The following WNT3 variants were observed in gnomAD, a reference collection of about 807,000 sequenced individuals.
The protein encoded by WNT3 is proto-oncogene Wnt-3.
WNT3 carries 7 observed loss-of-function variants against 34.2 expected under a neutral mutation model. The ratio of observed to expected loss-of-function variants is 0.20; its 90% CI spans 0.12 to 0.38. The LOEUF (loss-of-function observed/expected upper bound fraction) is 0.38. WNT3 is among the 10% of genes least tolerant of loss of function. The probability of loss-of-function intolerance (pLI) is 1.00; values close to 1 mark genes in which losing one functional copy is unlikely to be tolerated. For missense variants in WNT3, 267 were observed against 499.8 expected, an observed-to-expected ratio of 0.53 and a Z score of 4.44; for synonymous variants, 212 against 211.5, an observed-to-expected ratio of 1.00 and a Z score of -0.02.
At chr17:46,789,891 C>G (rs752605046) in intron 1 of WNT3, among the ~76,000 whole-genome samples, 1 of 152,212 alleles carries the variant, frequency 6.6e-6, no homozygotes, top group African/African-American at 2.4e-5. Flanking sequence ...GGCAACGATT[C>G]CACTCTCTAC....
chr17:46,789,587 G>A (rs576296833), intron 1 of WNT3, among the ~76,000 whole-genome samples: 1 of 81,418 alleles, frequency 1.2e-5, no homozygotes, highest in East Asian at 2.4e-4. Context: ...AGCTTTGAGA[G>A]GTAACCTCTC....
chr17:46,791,731 C>T lies in WNT3; in HGVS notation c.81-17822G>A, dbSNP rs545946415. On this transcript the variant is annotated intron_variant, in intron 1 of 4. Coordinates refer to ENST00000225512, the MANE Select transcript of WNT3 (RefSeq NM_030753.5). Reference sequence around the variant, plus strand: ...AGGCATTTCTTCTGGGGGAAACACACGTTGTGTAGAAAAGATAAAATCTCT... The same window carrying T: ...AGGCATTTCTTCTGGGGGAAACACATGTTGTGTAGAAAAGATAAAATCTCT... 2.6e-5 allele frequency among the ~76,000 whole-genome samples: 4 copies of T among 152,360 alleles called. No individual in the cohort carries two copies. The East Asian group carries it at 5.8e-4, about 22-fold the overall frequency.
At chr17:46,771,711 G>A (rs1825190305) in intron 2 of WNT3, among the ~76,000 whole-genome samples, 1 of 141,874 alleles carries the variant, frequency 7.0e-6, no homozygotes, top group Non-Finnish European at 1.6e-5. Flanking sequence ...CCGCGCCCCC[G>A]GCCCCGGCGC....
chr17:46,785,004 C>G (rs1207226856), intron 1 of WNT3, among the ~76,000 whole-genome samples: 1 of 152,114 alleles, frequency 6.6e-6, no homozygotes, highest in Non-Finnish European at 1.5e-5. Flanking sequence ...GTCTCGATCT[C>G]CTGACCTCGT....
At chr17:46,786,747 G>A (rs2059509695) in intron 1 of WNT3, among the ~76,000 whole-genome samples, 1 of 152,126 alleles carries the variant, frequency 6.6e-6, no homozygotes, top group Non-Finnish European at 1.5e-5. Flanking sequence ...AGGCCTACTT[G>A]GGGTCACAGC....
intron 3 of WNT3, 34 bp downstream of exon 3, chr17:46,769,749 C>G (rs1220047508): frequency 6.2e-7 from 1 of 1,605,194 alleles, no homozygotes; most frequent in East Asian, 2.2e-5. Flanking sequence ...GGGGGCTGCT[C>G]CCTGAAGGGT....
intron 1 of WNT3, among the ~76,000 whole-genome samples, chr17:46,786,789 T>A (rs898174016): frequency 6.6e-6 from 1 of 152,178 alleles, no homozygotes; most frequent in African/African-American, 2.4e-5. Flanking sequence ...GTGATTGTCA[T>A]ACAGCTCCCC....
At position 46,763,702 on chromosome 17, in the gene WNT3, C is replaced by G. The variant is rs2059287730; in HGVS notation, c.*928G>C. The stretch of plus-strand genomic sequence containing the variant: ...ACCTGGAGTTATTTGTACAGAGAAT[C>G]TGCAGGTGAGCAGGGCTGGGAAGGA... On this transcript the variant is annotated 3_prime_UTR_variant, in exon 5 of 5. Transcript: ENST00000225512. 6.6e-6 allele frequency: 1 copy of G among 151,976 alleles called. No homozygotes were observed. Among genetic ancestry groups the G allele is most frequent in the Non-Finnish European group, 1.5e-5 (1 of 68,020 alleles). 9.4% of individuals were successfully genotyped at this position (151,976 alleles called of 1,614,324 possible). A position where few individuals can be genotyped will look rare whatever the true frequency, so the allele number is the denominator to read the frequency against.
chr17:46,775,079 G>GT (rs1449557933), intron 1 of WNT3, among the ~76,000 whole-genome samples: 3 of 152,334 alleles, frequency 2.0e-5, no homozygotes, highest in East Asian at 3.9e-4. Context: ...GCAGGGTGAG[G>GT]TTTTTTGTGT....
At chr17:46,812,854 T>C (rs1256501161) in intron 1 of WNT3, among the ~76,000 whole-genome samples, 1 of 152,342 alleles carries the variant, frequency 6.6e-6, no homozygotes, top group South Asian at 2.1e-4. Flanking sequence ...ATATGCTTCC[T>C]GTATGCAAGG....
chr17:46,770,137 A>T, intron 2 of WNT3, 89 bp from the exon 3 acceptor site: 1 of 1,446,934 alleles, frequency 6.9e-7, no homozygotes, highest in Non-Finnish European at 9.1e-7. Context: ...ACGTGAGGGG[A>T]ACGAGGCCAG....
chr17:46,779,103 A>ACACC lies in WNT3; in HGVS notation c.81-5195_81-5194insGGTG, dbSNP rs749719578. On this transcript the variant is annotated intron_variant, in intron 1 of 4. Transcript: ENST00000225512. ...CACACACACACACACACACACACACACCCCAGCCCACTCGGCCTTCCAAAG... is the reference window on the plus strand; with the variant it reads ...CACACACACACACACACACACACACACACCCCCCAGCCCACTCGGCCTTCCAAAG... Among the ~76,000 whole-genome samples, 49 of 133,658 alleles carry ACACC rather than the reference A, an allele frequency of 3.7e-4. 1 individual carries two copies. The East Asian group carries it at 5.4e-3, about 15-fold the overall frequency. 87.7% of individuals were successfully genotyped at this position (133,658 alleles called of 152,430 possible). A position where few individuals can be genotyped will look rare whatever the true frequency, so the allele number is the denominator to read the frequency against.
intron 2 of WNT3, among the ~76,000 whole-genome samples, chr17:46,770,555 C>G (rs1332900825): frequency 6.6e-6 from 1 of 152,176 alleles, no homozygotes; most frequent in Non-Finnish European, 1.5e-5. Flanking sequence ...ATAGGGACGG[C>G]CCCTCTCCTT....
At chr17:46,784,984 A>G (rs572230954) in intron 1 of WNT3, among the ~76,000 whole-genome samples, 35 of 152,078 alleles carry the variant, frequency 2.3e-4, no homozygotes, top group South Asian at 4.1e-4. Context: ...TCACTGTGTT[A>G]GCCAGGATGG....
chr17:46,767,828 A>G (rs1169065859), intron 4 of WNT3, among the ~76,000 whole-genome samples: 1 of 152,080 alleles, frequency 6.6e-6, no homozygotes, highest in Non-Finnish European at 1.5e-5. Context: ...TCTGTCGCCC[A>G]GGCTGGATGG....
chr17:46,773,623 T>TGCCCCCC lies in WNT3; in HGVS notation c.322+44_322+45insGGGGGGC. On this transcript the variant is annotated intron_variant, in intron 2 of 4. Transcript: ENST00000225512. ...TGGAAGGGCATACAGTCCTGATCCC[T>TGCCCCCC]CCCCCCACCCAGCCCCTCCCCCCCC... 1.4e-4 allele frequency: 52 copies of TGCCCCCC among 383,492 alleles called. 1 individual carries two copies. Among genetic ancestry groups the TGCCCCCC allele is most frequent in the Middle Eastern group, 1.8e-3 (2 of 1,130 alleles). The allele number at this position is 383,492 out of a possible 1,614,324, so 23.8% of individuals were successfully genotyped here.
chr17:46,772,778 C>T (rs1288707920), intron 2 of WNT3, among the ~76,000 whole-genome samples: 1 of 151,866 alleles, frequency 6.6e-6, no homozygotes, highest in Non-Finnish European at 1.5e-5. Context: ...CCAACCCCAC[C>T]CAGCACCCCA....
intron 1 of WNT3, among the ~76,000 whole-genome samples, chr17:46,804,936 G>A (rs1472841551): frequency 3.0e-5 from 1 of 33,576 alleles, no homozygotes; most frequent in Admixed American, 2.7e-4. Context: ...CCACCCCCAA[G>A]CCAGCAGCAC....
At position 46,805,442 on chromosome 17, in the gene WNT3, G is replaced by A. The variant is rs138497826; in HGVS notation, c.80+13076C>T. On this transcript the variant is annotated intron_variant, in intron 1 of 4. Transcript: ENST00000225512. ...ACAAAAATTAGCCAGGTGTGGTGGC[G>A]GGCGCCTATAATCCCAGCTACGTGA... is the stretch of plus-strand genomic sequence containing the variant. Among the ~76,000 whole-genome samples, 919 of 151,938 alleles carry A rather than the reference G, an allele frequency of 6.0e-3. 3 individuals are homozygous for A. Among genetic ancestry groups the A allele is most frequent in the Middle Eastern group, 0.038 (11 of 292 alleles).
Sources: allele counts gnomAD v4.1 joint callset (sites outside exome capture counted in the v4.1 genomes callset), GRCh38; gene constraint gnomAD v4.1.1; transcripts MANE v1.5; gene names NCBI Gene and HGNC (gene_info 2026-07-23, HGNC 2026-07-21).